Variants in AK3 observed in about 807,000 individuals in gnomAD.
The protein encoded by AK3 is adenylate kinase 3, also known as GTP:AMP phosphotransferase AK3, mitochondrial.
Under a neutral mutation model 23.7 loss-of-function variants are expected in AK3, and 27 were observed. The ratio of observed to expected loss-of-function variants is 1.14; its 90% CI spans 0.84 to 1.57. The LOEUF is 1.57. Among genes scored for constraint, AK3 ranks in the 40% most tolerant of loss-of-function variants. The pLI is 0.00. For missense variants in AK3, 406 were observed against 285.6 expected (o/e 1.42, Z -3.04); for synonymous variants, 159 against 116.0 (o/e 1.37, Z -2.38).
chr9:4,713,360 G>C (rs1841614033), intron 4 of AK3, among the ~76,000 whole-genome samples: 2 of 152,150 alleles, frequency 1.3e-5, no homozygotes, highest in South Asian at 4.1e-4. Flanking sequence ...CATGCACTGT[G>C]TGTCAAAGGC....
chr9:4,723,693 T>A (rs1398327081), intron 1 of AK3, among the ~76,000 whole-genome samples: 1 of 152,210 alleles, frequency 6.6e-6, no homozygotes, highest in Admixed American at 6.5e-5. Context: ...TATAGTCATT[T>A]TAGGTAACCA....
At chr9:4,729,025 T>TTTTTG in intron 1 of AK3, among the ~76,000 whole-genome samples, 1 of 139,020 alleles carries the variant, frequency 7.2e-6, no homozygotes. Flanking sequence ...ATTTTTTTTT[T>TTTTTG]TTGAGACGGA....
In AK3 at chr9:4,711,693, C is replaced by T. The variant is rs1841566111; in HGVS notation, c.*1283G>A. 6.6e-6 allele frequency: 1 copy of T among 152,122 alleles called. No individual in the cohort carries two copies. Among genetic ancestry groups the T allele is most frequent in the African/African-American group, 2.4e-5 (1 of 41,432 alleles). 9.4% of individuals were successfully genotyped at this position (152,122 alleles called of 1,614,324 possible). A position where few individuals can be genotyped will look rare whatever the true frequency, so the allele number is the denominator to read the frequency against. ...TGGAAGACATAATCAAGTTTTTCCT[C>T]CATCTCTCATATTTCCCCACTTCTA... On this transcript the variant is annotated 3_prime_UTR_variant, in exon 5 of 5. Coordinates refer to ENST00000381809, the MANE Select transcript of AK3 (RefSeq NM_016282.4).
intron 1 of AK3, among the ~76,000 whole-genome samples, chr9:4,740,241 T>C (rs1169096055): frequency 6.6e-6 from 1 of 152,158 alleles, no homozygotes; most frequent in African/African-American, 2.4e-5. Flanking sequence ...TAAGAGAGAA[T>C]TTACATACCA....
chr9:4,720,689 C>CAAAAAA (rs61644070), intron 2 of AK3, among the ~76,000 whole-genome samples: 2,532 of 140,118 alleles, frequency 0.018, 99 homozygotes, highest in African/African-American at 0.064. Flanking sequence ...ACACTGTCTC[C>CAAAAAA]AAAAAAAAAA....
chr9:4,729,833 TA>T (rs55934908), intron 1 of AK3, among the ~76,000 whole-genome samples: 12,557 of 132,664 alleles, frequency 0.095, 590 homozygotes, highest in African/African-American at 0.15. Context: ...CTGTGTCTCT[TA>T]AAAAAAAAAA....
intron 1 of AK3, among the ~76,000 whole-genome samples, chr9:4,726,194 G>C (rs768546026): frequency 6.6e-6 from 1 of 152,174 alleles, no homozygotes; most frequent in South Asian, 2.1e-4. Context: ...GATGGCTGCT[G>C]ACTGATCAGG....
At chr9:4,732,317 A>T (rs1267579129) in intron 1 of AK3, among the ~76,000 whole-genome samples, 1 of 152,066 alleles carries the variant, frequency 6.6e-6, no homozygotes. Flanking sequence ...CAATACATAT[A>T]TCATATGAAA....
chr9:4,723,412 T>A (rs954165397), intron 1 of AK3, among the ~76,000 whole-genome samples: 1 of 152,212 alleles, frequency 6.6e-6, no homozygotes, highest in Non-Finnish European at 1.5e-5. Flanking sequence ...GCTGCTATCG[T>A]GACACAATTC....
At position 4,735,418 on chromosome 9, in the gene AK3, CATATATAAATATATATAT is replaced by C. The variant is rs1253414319; in HGVS notation, c.151+5501_151+5518del. On this transcript the variant is annotated intron_variant, in intron 1 of 4. Transcript: ENST00000381809. ...ATATATACATATATAAATATATATA[CATATATAAATATATATAT>C]ACATATATAAATATATACATAGTAT... Among the ~76,000 whole-genome samples, 158 of 90,036 alleles carry C rather than the reference CATATATAAATATATATAT, an allele frequency of 1.8e-3. 3 individuals are homozygous for C. The highest frequency in any genetic ancestry group is 2.5e-3 in the Non-Finnish European group (114 of 45,644). 59.1% of individuals were successfully genotyped at this position (90,036 alleles called of 152,430 possible). A position where few individuals can be genotyped will look rare whatever the true frequency, so the allele number is the denominator to read the frequency against.
rs1277585685 is a variant in AK3 at position 4,735,344 on chromosome 9, C to A, written c.151+5593G>T. 5.6e-4 allele frequency among the ~76,000 whole-genome samples: 38 copies of A among 67,544 alleles called. 10 individuals are homozygous for A. The highest frequency in any genetic ancestry group is 1.0e-3 in the Admixed American group (5 of 4,974). 44.3% of individuals were successfully genotyped at this position (67,544 alleles called of 152,430 possible). Reference sequence around the variant, plus strand: ...ATATACATATATAAATATATATATACATATATAAATATATATATACATATA... The same window carrying A: ...ATATACATATATAAATATATATATAAATATATAAATATATATATACATATA... On this transcript the variant is annotated intron_variant, in intron 1 of 4. Coordinates refer to ENST00000381809, the MANE Select transcript of AK3 (RefSeq NM_016282.4).
At chr9:4,717,753 A>G (rs1303326442) in intron 4 of AK3, among the ~76,000 whole-genome samples, 1 of 152,206 alleles carries the variant, frequency 6.6e-6, no homozygotes, top group Non-Finnish European at 1.5e-5. Context: ...GTGTTAGATG[A>G]TTTCGCCCAA....
At chr9:4,718,389 C>A (rs1841793963) in intron 4 of AK3, 30 bp downstream of exon 4, 2 of 1,523,330 alleles carry the variant, frequency 1.3e-6, no homozygotes, top group Admixed American at 1.7e-5. Flanking sequence ...CACCACTACG[C>A]AAGAGAAGTT....
Position 4,740,343 on chromosome 9 carries a change from G to T in AK3, c.151+594C>A, listed in dbSNP as rs79129054. The stretch of plus-strand genomic sequence containing the variant: ...GGCATGAGAAACAAAATATTTTATA[G>T]AACCATGCACAAGAATAGCCTTCGT... On this transcript the variant is annotated intron_variant, in intron 1 of 4. Transcript: ENST00000381809. 1.1e-3 allele frequency among the ~76,000 whole-genome samples: 169 copies of T among 152,184 alleles called. 2 individuals are homozygous for T. The highest frequency in any genetic ancestry group is 3.8e-3 in the African/African-American group (159 of 41,528).
chr9:4,714,670 T>C (rs1158492135), intron 4 of AK3, among the ~76,000 whole-genome samples: 9 of 152,212 alleles, frequency 5.9e-5, no homozygotes, highest in African/African-American at 1.9e-4. Flanking sequence ...CATTTGTCAT[T>C]TTAATTTCTG....
Position 4,710,390 on chromosome 9 carries a change from T to TG in AK3, c.*2585_*2586insC, listed in dbSNP as rs952272736. Reference sequence around the variant, plus strand: ...GCCCGGCTAATTTTTTTTTTTTTTTTTTGTATTTTTAGTAGAGACGGGGTT... The same window carrying TG: ...GCCCGGCTAATTTTTTTTTTTTTTTTGTTGTATTTTTAGTAGAGACGGGGTT... On this transcript the variant is annotated 3_prime_UTR_variant, in exon 5 of 5. Transcript: ENST00000381809. 1 of 127,812 alleles carries TG rather than the reference T, an allele frequency of 7.8e-6. No homozygotes were observed. The highest frequency in any genetic ancestry group is 1.7e-5 in the Non-Finnish European group (1 of 57,682). 7.9% of individuals were successfully genotyped at this position (127,812 alleles called of 1,614,324 possible). A position where few individuals can be genotyped will look rare whatever the true frequency, so the allele number is the denominator to read the frequency against.
At position 4,722,526 on chromosome 9, in the gene AK3, T is replaced by C. The variant is rs372869525; in HGVS notation, c.251A>G (p.Gln84Arg). Reference sequence around the variant, plus strand: ...CTTACCATCCAACAGCCAGCTATACTGGGTGAGATTTTTCAGCTCATGAAG... The same window carrying C: ...CTTACCATCCAACAGCCAGCTATACCGGGTGAGATTTTTCAGCTCATGAAG... ...LALHELKNLT[Q>R]YSWLLDGFPR... is the part of the protein sequence containing the mutation. Residue 84 changes from glutamine (Q) to arginine (R), a missense_variant, in exon 2 of 5, where the codon CAG (glutamine) becomes CGG (arginine). By Grantham distance (43) the Gln-to-Arg change is conservative. Coordinates refer to ENST00000381809, the MANE Select transcript of AK3 (RefSeq NM_016282.4). 68 of 1,614,044 alleles carry C rather than the reference T, an allele frequency of 4.2e-5. No homozygotes were observed. The highest frequency in any genetic ancestry group is 9.3e-5 in the African/African-American group (7 of 74,930).
intron 1 of AK3, among the ~76,000 whole-genome samples, chr9:4,730,685 A>G (rs1842132257): frequency 2.0e-5 from 3 of 152,180 alleles, no homozygotes; most frequent in Non-Finnish European, 2.9e-5. Context: ...TAGTCTAATA[A>G]TCTGTTTTTC....
Position 4,730,423 on chromosome 9 carries a change from C to A in AK3, c.152-7798G>T, listed in dbSNP as rs532492389. The stretch of plus-strand genomic sequence containing the variant: ...AAAAAATAAAAAAACCACTCATAGT[C>A]TGATCACTACTCAGAGATAATTATT... On this transcript the variant is annotated intron_variant, in intron 1 of 4. Transcript: ENST00000381809. Among the ~76,000 whole-genome samples the A allele has an allele frequency of 1.6e-4, 25 of 152,232 alleles. No homozygotes were observed. In the East Asian group the frequency reaches 4.6e-3, roughly 28 times the overall value.
Sources: allele counts gnomAD v4.1 joint callset (sites outside exome capture counted in the v4.1 genomes callset), GRCh38; gene constraint gnomAD v4.1.1; transcripts MANE v1.5; gene names NCBI Gene and HGNC (gene_info 2026-07-23, HGNC 2026-07-21).